Variants in LITAFD observed in about 807,000 individuals in gnomAD.
LITAFD encodes the protein LITAF domain containing, also known as lITAF domain-containing protein.
At chr16:8,884,647 C>T (rs2061556954) in intron 3 of LITAFD, among the ~76,000 whole-genome samples, 182 bp downstream of exon 3, 1 of 152,142 alleles carries the variant, frequency 6.6e-6, no homozygotes. Flanking sequence ...CCAGGGACCT[C>T]CCATGAGAAC....
chr16:8,884,272 G>A (rs1372983368), intron 2 of LITAFD, 51 bp from the exon 3 acceptor site: 1 of 398,310 alleles, frequency 2.5e-6, no homozygotes, highest in African/African-American at 2.1e-5. Context: ...GAAGCCACAG[G>A]GGTCCTGGCC....
chr16:8,884,381 A>G (rs147964726), exon 3 of LITAFD: 2 of 399,092 alleles, frequency 5.0e-6, no homozygotes, highest in African/African-American at 2.1e-5. Context: ...GTGTGTCCCT[A>G]CTGTGGAAAC....
intron 3 of LITAFD, among the ~76,000 whole-genome samples, chr16:8,884,816 G>A (rs1194987183): frequency 6.6e-6 from 1 of 152,186 alleles, no homozygotes; most frequent in Admixed American, 6.5e-5. Flanking sequence ...CAGGCGCGGT[G>A]ACTCATGCCT....
intron 1 of LITAFD, among the ~76,000 whole-genome samples, 154 bp from the exon 2 acceptor site, chr16:8,883,056 G>C (rs1277954175): frequency 6.6e-6 from 1 of 152,076 alleles, no homozygotes; most frequent in Non-Finnish European, 1.5e-5. Flanking sequence ...GACTGGTCTC[G>C]AACTCCTGAT....
intron 1 of LITAFD, 192 bp downstream of exon 1, chr16:8,882,702 T>C (rs924137311): frequency 1.1e-4 from 17 of 152,334 alleles, no homozygotes; most frequent in Admixed American, 3.3e-4. Flanking sequence ...ATAGAGACCA[T>C]TGGGCAGTGG....
chr16:8,883,700 G>A (rs1417154183), intron 2 of LITAFD, among the ~76,000 whole-genome samples: 1 of 152,236 alleles, frequency 6.6e-6, no homozygotes, highest in African/African-American at 2.4e-5. Flanking sequence ...TTCTCAGGCA[G>A]TCTCCAGATT....
At chr16:8,884,269 C>T in intron 2 of LITAFD, 54 bp from the exon 3 acceptor site, 1 of 398,476 alleles carries the variant, frequency 2.5e-6, no homozygotes, top group Non-Finnish European at 4.4e-6. Context: ...TGAGAAGCCA[C>T]AGGGGTCCTG....
In LITAFD at chr16:8,882,353, G is replaced by A. The variant is rs762708145; in HGVS notation, c.-268G>A. The stretch of plus-strand genomic sequence containing the variant: ...GCCAGGCCCAGCAAGAGGTGGACAG[G>A]TGTGGCCCCAGCTCCTCACACCTCC... On this transcript the variant is annotated 5_prime_UTR_variant, in exon 1 of 4. The change creates a new upstream start codon in the 5' untranslated region. Transcript: ENST00000636296. The A allele has an allele frequency of 3.3e-5, 5 of 152,734 alleles. No individual in the cohort carries two copies. The highest frequency in any genetic ancestry group is 5.9e-5 in the Non-Finnish European group (4 of 68,114). 9.5% of individuals were successfully genotyped at this position (152,734 alleles called of 1,614,324 possible).
rs577142252 is a variant in LITAFD, at chr16:8,883,038, G to T, written c.-110-172G>T. Among the ~76,000 whole-genome samples, 4 of 152,242 alleles carry T rather than the reference G, an allele frequency of 2.6e-5. No homozygotes were observed. In the East Asian group the frequency reaches 7.7e-4, roughly 29 times the overall value. ...TGTAGTTGAGATGGGGTTTCACCATGTTGGCCAGACTGGTCTCGAACTCCT... is the reference window on the plus strand; with the variant it reads ...TGTAGTTGAGATGGGGTTTCACCATTTTGGCCAGACTGGTCTCGAACTCCT... On this transcript the variant is annotated intron_variant, in intron 1 of 3. Transcript: ENST00000636296.
At chr16:8,883,900 A>G (rs149972759) in intron 2 of LITAFD, among the ~76,000 whole-genome samples, 10 of 152,244 alleles carry the variant, frequency 6.6e-5, no homozygotes, top group African/African-American at 2.4e-4. Flanking sequence ...CCCCATCTCT[A>G]CTAAAAATAC....
intron 1 of LITAFD, chr16:8,882,799 C>T (rs1027341713): frequency 6.6e-6 from 1 of 152,328 alleles, no homozygotes; most frequent in Non-Finnish European, 1.5e-5. Flanking sequence ...AGGTATGACG[C>T]TCCTGCCCGT....
rs1013649566 is a variant in LITAFD, at chr16:8,884,484, G to A, written c.110+19G>A. ...TGTTCGGGTGAGTGGCCGCCCCTCC[G>A]CCGCTGCAGAGGCCTGAGCATTGGT... On this transcript the variant is annotated intron_variant, in intron 3 of 3. Transcript: ENST00000636296. 24 of 301,996 alleles carry A rather than the reference G, an allele frequency of 7.9e-5. No homozygotes were observed. Among genetic ancestry groups the A allele is most frequent in the Admixed American group, 6.0e-4 (12 of 19,920 alleles). 18.7% of individuals were successfully genotyped at this position (301,996 alleles called of 1,614,324 possible).
chr16:8,883,411 TCTC>T (rs2061550799), intron 2 of LITAFD, 125 bp downstream of exon 2: 1 of 152,174 alleles, frequency 6.6e-6, no homozygotes, highest in Admixed American at 6.6e-5. Context: ...TCTGGCAAGT[TCTC>T]CTCCCCTGAC....
chr16:8,884,160 G>A (rs767253048), intron 2 of LITAFD, among the ~76,000 whole-genome samples, 163 bp from the exon 3 acceptor site: 2 of 152,084 alleles, frequency 1.3e-5, no homozygotes, highest in African/African-American at 2.4e-5. Context: ...CCTCCAAACC[G>A]GGGTGGGGGA....
intron 2 of LITAFD, among the ~76,000 whole-genome samples, chr16:8,884,046 C>G (rs1210781103): frequency 6.6e-6 from 1 of 152,178 alleles, no homozygotes; most frequent in Non-Finnish European, 1.5e-5. Context: ...GCCTGGACGA[C>G]AGAGTGAGAC....
intron 2 of LITAFD, among the ~76,000 whole-genome samples, chr16:8,883,596 C>T (rs2061551642): frequency 6.6e-6 from 1 of 152,002 alleles, no homozygotes; most frequent in Non-Finnish European, 1.5e-5. Flanking sequence ...CTCTACTCTG[C>T]AAACACACCA....
In LITAFD at chr16:8,883,792, C is replaced by T. The variant is rs142219889; in HGVS notation, c.-34+506C>T. On this transcript the variant is annotated intron_variant, in intron 2 of 3. Coordinates refer to ENST00000636296, the Ensembl canonical transcript of LITAFD. ...TGAAAAGCACCCTTTAGGTCAGGTGCGGTGGCTCAGGCCTGTAATCCCAGA... is the reference window on the plus strand; with the variant it reads ...TGAAAAGCACCCTTTAGGTCAGGTGTGGTGGCTCAGGCCTGTAATCCCAGA... 7.6e-3 allele frequency among the ~76,000 whole-genome samples: 1,156 copies of T among 152,262 alleles called. 11 individuals carry two copies. Among genetic ancestry groups the T allele is most frequent in the Non-Finnish European group, 0.011 (736 of 68,028 alleles).
exon 1 of LITAFD, chr16:8,882,419 A>C (rs1210309797): frequency 1.3e-5 from 2 of 152,630 alleles, no homozygotes. Flanking sequence ...AGAAATAAGC[A>C]CATGAGCACT....
At chr16:8,884,331 C>T (rs1001343870) in exon 3 of LITAFD, 3 of 399,128 alleles carry the variant, frequency 7.5e-6, no homozygotes, top group Non-Finnish European at 1.3e-5. Flanking sequence ...AGCTGTATGC[C>T]GGCATGTCCG....
Sources: allele counts gnomAD v4.1 joint callset (sites outside exome capture counted in the v4.1 genomes callset), GRCh38; gene constraint gnomAD v4.1.1; transcripts MANE v1.5; gene names NCBI Gene and HGNC (gene_info 2026-07-23, HGNC 2026-07-21).